SUGCT: variants seen among roughly 807,000 people sequenced by gnomAD.
SUGCT encodes the protein succinyl-CoA:glutarate-CoA transferase, also known as succinyl-CoA:glutarate CoA-transferase.
SUGCT carries 41 observed loss-of-function variants against 55.0 expected under a neutral mutation model. The observed-to-expected ratio is 0.74, with a 90% CI of 0.58 to 0.97. The LOEUF is 0.97. Ranked by LOEUF, SUGCT falls within the 50% of genes least tolerant of loss-of-function variation. The probability of loss-of-function intolerance (pLI) is 0.00; values close to 1 mark genes in which losing one functional copy is unlikely to be tolerated. For missense variants in SUGCT, 568 were observed against 547.8 expected, an observed-to-expected ratio of 1.04 and a Z score of -0.37; for synonymous variants, 187 against 200.4, an observed-to-expected ratio of 0.93 and a Z score of 0.56.
At chr7:40,365,209 A>G (rs1369936241) in intron 9 of SUGCT, among the ~76,000 whole-genome samples, 1 of 152,242 alleles carries the variant, frequency 6.6e-6, no homozygotes, top group Non-Finnish European at 1.5e-5. Flanking sequence ...ACAAAATTTA[A>G]CAACTCTTCA....
chr7:40,250,511 A>G (rs1790296372), intron 7 of SUGCT, among the ~76,000 whole-genome samples: 2 of 152,124 alleles, frequency 1.3e-5, no homozygotes, highest in Non-Finnish European at 2.9e-5. Context: ...CTCATCAGTC[A>G]GAAGTTCCTA....
intron 9 of SUGCT, among the ~76,000 whole-genome samples, chr7:40,418,331 T>G (rs1341376899): frequency 6.6e-6 from 1 of 152,164 alleles, no homozygotes; most frequent in Non-Finnish European, 1.5e-5. Context: ...TGCCCTCTGC[T>G]TCTCCTTGGT....
chr7:40,392,704 G>T (rs760575441), intron 9 of SUGCT, among the ~76,000 whole-genome samples: 3 of 152,174 alleles, frequency 2.0e-5, no homozygotes, highest in Non-Finnish European at 4.4e-5. Flanking sequence ...TGGGTGAGGA[G>T]ATGGTTTTAG....
intron 9 of SUGCT, among the ~76,000 whole-genome samples, chr7:40,341,063 A>T (rs1797017247): frequency 6.6e-6 from 1 of 152,198 alleles, no homozygotes; most frequent in Non-Finnish European, 1.5e-5. Flanking sequence ...GAATAAATGG[A>T]TCTAAATGTG....
intron 13 of SUGCT, among the ~76,000 whole-genome samples, chr7:40,779,400 T>A (rs1789620824): frequency 1.3e-5 from 2 of 152,176 alleles, no homozygotes; most frequent in Non-Finnish European, 2.9e-5. Flanking sequence ...TTTAAACATA[T>A]TAAATACAAA....
chr7:40,749,345 T>C, intron 12 of SUGCT, 89 bp from the exon 13 acceptor site: 1 of 979,102 alleles, frequency 1.0e-6, no homozygotes, highest in Non-Finnish European at 1.7e-6. Context: ...CTTTCTTTGA[T>C]GTCGACTGAA....
chr7:40,469,378 T>A (rs1790288514), intron 11 of SUGCT, among the ~76,000 whole-genome samples: 1 of 152,258 alleles, frequency 6.6e-6, no homozygotes. Context: ...TGTTTTCTTA[T>A]GCATTCCTTG....
intron 12 of SUGCT, among the ~76,000 whole-genome samples, chr7:40,742,371 C>T (rs1021975345): frequency 6.6e-6 from 1 of 152,106 alleles, no homozygotes; most frequent in Non-Finnish European, 1.5e-5. Flanking sequence ...GGCACCAGGG[C>T]CAGTTTTGTA....
At chr7:40,814,286 AT>A (rs908187928) in intron 13 of SUGCT, among the ~76,000 whole-genome samples, 5 of 151,562 alleles carry the variant, frequency 3.3e-5, no homozygotes, top group South Asian at 2.1e-4. Flanking sequence ...ATTTCCTCAA[AT>A]TTTTTTTTCC....
intron 12 of SUGCT, among the ~76,000 whole-genome samples, chr7:40,518,218 G>GT (rs1170306665): frequency 3.3e-5 from 5 of 152,120 alleles, no homozygotes; most frequent in African/African-American, 9.7e-5. Context: ...ACTGAAATGG[G>GT]TAGGGAAGAA....
rs536411136 is a variant in SUGCT, at chr7:40,697,066, GCA to G, written c.1090-52356_1090-52355del. On this transcript the variant is annotated intron_variant, in intron 12 of 13. Coordinates refer to ENST00000335693, the MANE Select transcript of SUGCT (RefSeq NM_001193313.2). ...AGTATGGTAGTAGCGGATAGCAATT[GCA>G]CACACACACACTCACACGTAACACA... is the stretch of plus-strand genomic sequence containing the variant. Among the ~76,000 whole-genome samples, 7 of 151,806 alleles carry G rather than the reference GCA, an allele frequency of 4.6e-5. No homozygotes were observed. The East Asian group carries it at 9.7e-4, about 21-fold the overall frequency.
At chr7:40,488,503 A>G (rs1791508304) in intron 11 of SUGCT, among the ~76,000 whole-genome samples, 1 of 152,174 alleles carries the variant, frequency 6.6e-6, no homozygotes, top group Non-Finnish European at 1.5e-5. Flanking sequence ...AGATATAAGT[A>G]ATTTACACAC....
intron 9 of SUGCT, among the ~76,000 whole-genome samples, chr7:40,432,685 CAAAAA>C (rs61055999): frequency 7.1e-4 from 82 of 115,674 alleles, no homozygotes; most frequent in African/African-American, 2.5e-3. Flanking sequence ...GACTCCCTCT[CAAAAA>C]AAAAAAAAAA....
the SUGCT span, among the ~76,000 whole-genome samples, chr7:40,943,386 C>T: frequency 6.8e-6 from 1 of 147,642 alleles, no homozygotes; most frequent in Non-Finnish European, 1.5e-5. Context: ...CCCATTAACT[C>T]GTCATTTAGC....
intron 8 of SUGCT, among the ~76,000 whole-genome samples, chr7:40,288,465 G>A (rs1386910593): frequency 2.6e-5 from 4 of 151,944 alleles, no homozygotes; most frequent in South Asian, 2.1e-4. Context: ...AAAGCTTGCC[G>A]GTCTTATTAA....
At chr7:40,503,927 T>C (rs1253207882) in intron 12 of SUGCT, among the ~76,000 whole-genome samples, 1 of 152,114 alleles carries the variant, frequency 6.6e-6, no homozygotes, top group Non-Finnish European at 1.5e-5. Context: ...ATAAATATCT[T>C]AAGAGCTCTT....
At chr7:40,566,902 CT>C (rs1796186924) in intron 12 of SUGCT, among the ~76,000 whole-genome samples, 2 of 152,118 alleles carry the variant, frequency 1.3e-5, no homozygotes, top group Admixed American at 6.5e-5. Context: ...ATTTTCCTTC[CT>C]TTTTGTTATT....
intron 9 of SUGCT, among the ~76,000 whole-genome samples, chr7:40,425,737 A>C (rs1234075722): frequency 6.6e-6 from 1 of 152,116 alleles, no homozygotes; most frequent in Non-Finnish European, 1.5e-5. Flanking sequence ...TTGATAATGG[A>C]TATTGTGATC....
chr7:40,312,772 G>A (rs1420088098), intron 8 of SUGCT, among the ~76,000 whole-genome samples: 1 of 152,148 alleles, frequency 6.6e-6, no homozygotes, highest in Non-Finnish European at 1.5e-5. Flanking sequence ...TGGAAATGTG[G>A]GCAGGTGGGT....
Sources: gnomAD v4.1 joint callset for allele counts (sites outside exome capture counted in the v4.1 genomes callset) on GRCh38, gnomAD v4.1.1 for gene constraint, MANE v1.5 for transcripts, NCBI Gene and HGNC (gene_info 2026-07-23, HGNC 2026-07-21) for gene names.